SDK1: variants seen among roughly 807,000 people sequenced by gnomAD.
SDK1 encodes the protein sidekick cell adhesion molecule 1.
A neutral mutation model predicts 245.5 loss-of-function variants in SDK1; 157 were observed. The ratio of observed to expected loss-of-function variants is 0.64; its 90% CI spans 0.56 to 0.73. The LOEUF is 0.73. SDK1 is among the 30% of genes least tolerant of loss of function. The pLI is 0.00. For missense variants in SDK1, 3,583 were observed against 3,002.3 expected, an observed-to-expected ratio of 1.19 and a Z score of -4.52; for synonymous variants, 1,647 against 1,278.5, an observed-to-expected ratio of 1.29 and a Z score of -6.15.
intron 28 of SDK1, among the ~76,000 whole-genome samples, chr7:4,138,989 A>T (rs1444756569): frequency 6.6e-6 from 1 of 152,182 alleles, no homozygotes; most frequent in African/African-American, 2.4e-5. Flanking sequence ...CATACATTCA[A>T]GGGGTGCCCC....
Position 4,041,288 on chromosome 7 carries a change from CTTT to C in SDK1, c.2603-8048_2603-8046del, listed in dbSNP as rs58871072. On this transcript the variant is annotated intron_variant, in intron 17 of 44. Transcript: ENST00000404826. ...GAACCACATGCATAGTTTTGTTTTA[CTTT>C]TTTTTTTTTTTGGAGTACTTTCAGA... 1.1e-4 allele frequency among the ~76,000 whole-genome samples: 16 copies of C among 142,012 alleles called. No homozygotes were observed. In the South Asian group the frequency reaches 2.9e-3, roughly 25 times the overall value. The allele number at this position is 142,012 out of a possible 152,430, so 93.2% of individuals were successfully genotyped here. A position where few individuals can be genotyped will look rare whatever the true frequency, so the allele number is the denominator to read the frequency against.
At chr7:3,520,672 A>G (rs1399783097) in intron 1 of SDK1, among the ~76,000 whole-genome samples, 2 of 152,146 alleles carry the variant, frequency 1.3e-5, no homozygotes, top group Non-Finnish European at 2.9e-5. Context: ...TTAAATAAAA[A>G]CTGAAACATT....
chr7:3,682,102 C>G (rs964128819), intron 4 of SDK1, among the ~76,000 whole-genome samples: 2 of 152,204 alleles, frequency 1.3e-5, no homozygotes, highest in Admixed American at 6.5e-5. Context: ...TGTCAGACGA[C>G]CAGTGAAGAT....
chr7:3,749,073 C>T (rs1175561195), intron 4 of SDK1, among the ~76,000 whole-genome samples: 2 of 152,178 alleles, frequency 1.3e-5, no homozygotes, highest in African/African-American at 4.8e-5. Flanking sequence ...TATTCTTTGC[C>T]TTCAGAATTT....
chr7:3,659,523 C>T (rs953607450), intron 4 of SDK1, among the ~76,000 whole-genome samples: 3 of 152,164 alleles, frequency 2.0e-5, no homozygotes, highest in Non-Finnish European at 2.9e-5. Context: ...TGGTGTGTTC[C>T]AAGGCCGAAA....
At chr7:3,433,690 C>A (rs1453665509) in intron 1 of SDK1, among the ~76,000 whole-genome samples, 1 of 152,146 alleles carries the variant, frequency 6.6e-6, no homozygotes, top group Non-Finnish European at 1.5e-5. Flanking sequence ...TGTTGGAAAT[C>A]TTTTTGTCAT....
chr7:3,468,638 A>C (rs1487923635), intron 1 of SDK1, among the ~76,000 whole-genome samples: 1 of 140,714 alleles, frequency 7.1e-6, no homozygotes, highest in African/African-American at 3.1e-5. Flanking sequence ...ACCCAGAAGG[A>C]AGGAGTATTG....
chr7:4,012,698 C>T lies in SDK1; in HGVS notation c.2420+463C>T, dbSNP rs150127029. Among the ~76,000 whole-genome samples, 450 of 151,140 alleles carry T rather than the reference C, an allele frequency of 3.0e-3. 5 individuals carry two copies. The East Asian group carries it at 0.045, about 15-fold the overall frequency. ...AAGCAATTCTCCTGCCTCAGCCTCC[C>T]GAGTAGCTGGGATTACAGGCATGTG... On this transcript the variant is annotated intron_variant, in intron 16 of 44. Transcript: ENST00000404826.
chr7:4,083,609 C>T (rs1253888799), intron 22 of SDK1, among the ~76,000 whole-genome samples: 1 of 121,870 alleles, frequency 8.2e-6, no homozygotes, highest in African/African-American at 3.7e-5. Context: ...CTCTCCCTCC[C>T]TTCTCTTGTC....
At chr7:4,089,335 TG>T (rs993073415) in intron 22 of SDK1, among the ~76,000 whole-genome samples, 8 of 152,198 alleles carry the variant, frequency 5.3e-5, no homozygotes, top group Non-Finnish European at 7.4e-5. Context: ...TCAGAACCCC[TG>T]GGGCAGAGGC....
At chr7:3,373,627 T>C (rs1455119574) in intron 1 of SDK1, among the ~76,000 whole-genome samples, 2 of 124,786 alleles carry the variant, frequency 1.6e-5, no homozygotes, top group Non-Finnish European at 3.6e-5. Flanking sequence ...CCATTAAAAA[T>C]GTTCTGTTCT....
chr7:4,176,165 C>CT lies in SDK1; in HGVS notation c.4996+345dup, dbSNP rs1156364111. On this transcript the variant is annotated intron_variant, in intron 34 of 44. Transcript: ENST00000404826. ...ACTCTTTTTTCTTTTCTTTTCTTTACTTTTTTTTTTTTTTAGAGACAGAGT... is the reference window on the plus strand; with the variant it reads ...ACTCTTTTTTCTTTTCTTTTCTTTACTTTTTTTTTTTTTTTAGAGACAGAGT... Among the ~76,000 whole-genome samples the CT allele has an allele frequency of 8.8e-3, 1,222 of 138,400 alleles. 13 individuals carry two copies. The highest frequency in any genetic ancestry group is 0.027 in the African/African-American group (1,024 of 37,512). The allele number at this position is 138,400 out of a possible 152,430, so 90.8% of individuals were successfully genotyped here.
chr7:4,096,395 C>T (rs1012263386), intron 22 of SDK1, among the ~76,000 whole-genome samples: 4 of 152,052 alleles, frequency 2.6e-5, no homozygotes, highest in Admixed American at 6.5e-5. Context: ...GCCACCCTCC[C>T]GGCAATGGTT....
chr7:3,863,064 C>A (rs183254667), intron 5 of SDK1, among the ~76,000 whole-genome samples: 1 of 152,180 alleles, frequency 6.6e-6, no homozygotes, highest in East Asian at 1.9e-4. Context: ...TACCAGTCTG[C>A]GGCCTGGAGG....
In SDK1 at chr7:3,528,469, T is replaced by C. The variant is rs183603807; in HGVS notation, c.299-90611T>C. On this transcript the variant is annotated intron_variant, in intron 1 of 44. Coordinates refer to ENST00000404826, the MANE Select transcript of SDK1 (RefSeq NM_152744.4). ...AGTGCTTAGATTTTATTGATTTTCT[T>C]TTAGGCATAAGAGAAGGCCATGGAG... Among the ~76,000 whole-genome samples, 695 of 152,074 alleles carry C rather than the reference T, an allele frequency of 4.6e-3. 5 individuals are homozygous for C. Among genetic ancestry groups the C allele is most frequent in the Middle Eastern group, 0.01 (3 of 294 alleles).
At chr7:4,142,693 C>T (rs1779660321) in intron 28 of SDK1, among the ~76,000 whole-genome samples, 1 of 152,132 alleles carries the variant, frequency 6.6e-6, no homozygotes, top group African/African-American at 2.4e-5. Context: ...AAAGTCTTGA[C>T]CTCAAGTGAT....
At chr7:3,816,755 C>T (rs1779517139) in intron 4 of SDK1, among the ~76,000 whole-genome samples, 1 of 152,220 alleles carries the variant, frequency 6.6e-6, no homozygotes, top group South Asian at 2.1e-4. Flanking sequence ...CTTGAACTTG[C>T]TTAAATTGTG....
intron 1 of SDK1, among the ~76,000 whole-genome samples, chr7:3,613,222 G>T (rs1439206028): frequency 6.6e-6 from 1 of 152,160 alleles, no homozygotes; most frequent in Non-Finnish European, 1.5e-5. Flanking sequence ...GAAGCCGGGG[G>T]ACGCAGGATG....
intron 1 of SDK1, among the ~76,000 whole-genome samples, chr7:3,352,766 C>G (rs1162357666): frequency 6.6e-6 from 1 of 150,936 alleles, no homozygotes; most frequent in East Asian, 1.9e-4. Flanking sequence ...TAGGGAAACC[C>G]TTTTTTTTTC....
Sources: gnomAD v4.1 joint callset for allele counts (sites outside exome capture counted in the v4.1 genomes callset) on GRCh38, gnomAD v4.1.1 for gene constraint, MANE v1.5 for transcripts, NCBI Gene and HGNC (gene_info 2026-07-23, HGNC 2026-07-21) for gene names.